Variants in PTPRN2 observed in about 807,000 individuals in gnomAD.
PTPRN2 encodes receptor-type tyrosine-protein phosphatase N2.
Under a neutral mutation model 118.8 loss-of-function variants are expected in PTPRN2, and 74 were observed. The ratio of observed to expected loss-of-function variants is 0.62; its 90% CI spans 0.52 to 0.76. PTPRN2 has a LOEUF of 0.76. Among genes scored for constraint, PTPRN2 ranks in the 30% least tolerant of loss-of-function variants. The pLI is 0.00. For missense variants in PTPRN2, 1,481 were observed against 1,394.4 expected (o/e 1.06, Z -0.99); for synonymous variants, 641 against 608.0 (o/e 1.05, Z -0.80).
intron 3 of PTPRN2, among the ~76,000 whole-genome samples, chr7:158,300,613 C>T (rs186067157): frequency 3.6e-4 from 3 of 8,384 alleles, no homozygotes; most frequent in East Asian, 1.7e-3. Flanking sequence ...TCTGTCTGTG[C>T]TCATGTGGCC....
chr7:158,221,185 C>G (rs1202246799), intron 3 of PTPRN2, among the ~76,000 whole-genome samples: 1 of 152,096 alleles, frequency 6.6e-6, no homozygotes, highest in East Asian at 1.9e-4. Flanking sequence ...TGAAACTTGA[C>G]TCCTTCCTTT....
rs1244456569 is a variant in PTPRN2 at position 157,940,728 on chromosome 7, C to T, written c.1724-41991G>A. ...CCCCCCCGTGACACTGCAAATCTAA[C>T]GCCCTGCCCCATGACACTGCAAATC... is the stretch of plus-strand genomic sequence containing the variant. On this transcript the variant is annotated intron_variant, in intron 11 of 22. Transcript: ENST00000389418. 7.4e-5 allele frequency among the ~76,000 whole-genome samples: 7 copies of T among 94,750 alleles called. 1 individual carries two copies. The highest frequency in any genetic ancestry group is 3.8e-4 in the African/African-American group (6 of 15,762). 62.2% of individuals were successfully genotyped at this position (94,750 alleles called of 152,430 possible). A position where few individuals can be genotyped will look rare whatever the true frequency, so the allele number is the denominator to read the frequency against.
At position 157,748,501 on chromosome 7, in the gene PTPRN2, G is replaced by GA. The variant is rs1331214289; in HGVS notation, c.1789-65565_1789-65564insT. Reference sequence around the variant, plus strand: ...TGCGTCCCTGAGCTGCGGAGTGTCTGGGTGATTCTTAGGTCTGCGTCTCTG... The same window carrying GA: ...TGCGTCCCTGAGCTGCGGAGTGTCTGAGGTGATTCTTAGGTCTGCGTCTCTG... On this transcript the variant is annotated intron_variant, in intron 12 of 22. Transcript: ENST00000389418. Among the ~76,000 whole-genome samples, 44 of 119,690 alleles carry GA rather than the reference G, an allele frequency of 3.7e-4. 1 individual carries two copies. Among genetic ancestry groups the GA allele is most frequent in the Admixed American group, 7.4e-4 (8 of 10,760 alleles). The allele number at this position is 119,690 out of a possible 152,430, so 78.5% of individuals were successfully genotyped here.
chr7:158,429,096 A>G (rs1448993957), intron 2 of PTPRN2, among the ~76,000 whole-genome samples: 1 of 152,176 alleles, frequency 6.6e-6, no homozygotes, highest in Non-Finnish European at 1.5e-5. Flanking sequence ...TAATAGTCTC[A>G]TCTAACTGCT....
intron 11 of PTPRN2, among the ~76,000 whole-genome samples, chr7:158,039,262 A>G (rs2128888321): frequency 6.6e-6 from 1 of 152,386 alleles, no homozygotes; most frequent in East Asian, 1.9e-4. Context: ...TCATGAAATA[A>G]GTCCAGAATG....
Position 157,671,914 on chromosome 7 carries a change from G to C in PTPRN2, c.2001+10811C>G, listed in dbSNP as rs1391959792. On this transcript the variant is annotated intron_variant, in intron 13 of 22. Transcript: ENST00000389418. The surrounding 1 kb of genome is among the most constrained non-coding windows in gnomAD (Gnocchi z 4.1). ...GGTGCTGAGCCCTAAGGTCTGTACG[G>C]GGAGTTTCTAAAAGTCTACGCTGTA... Among the ~76,000 whole-genome samples, 1 of 152,084 alleles carries C rather than the reference G, an allele frequency of 6.6e-6. No homozygotes were observed. The highest frequency in any genetic ancestry group is 1.5e-5 in the Non-Finnish European group (1 of 68,032).
At chr7:157,887,819 C>G (rs981848400) in intron 12 of PTPRN2, among the ~76,000 whole-genome samples, 1 of 125,472 alleles carries the variant, frequency 8.0e-6, no homozygotes, top group African/African-American at 3.2e-5. Flanking sequence ...CCCCAGTACC[C>G]GCTTCACCCA....
intron 3 of PTPRN2, among the ~76,000 whole-genome samples, chr7:158,272,632 G>T (rs1019780276): frequency 6.6e-6 from 1 of 152,188 alleles, no homozygotes; most frequent in Non-Finnish European, 1.5e-5. Flanking sequence ...CTGAGTCCAG[G>T]CAGGAGCCAA....
At chr7:158,191,734 C>A (rs1014643138) in intron 5 of PTPRN2, among the ~76,000 whole-genome samples, 1 of 152,142 alleles carries the variant, frequency 6.6e-6, no homozygotes, top group Non-Finnish European at 1.5e-5. Context: ...CATAAACACT[C>A]CTGGGGTTCG....
intron 12 of PTPRN2, among the ~76,000 whole-genome samples, chr7:157,710,722 T>G (rs1798568159): frequency 6.6e-6 from 1 of 152,198 alleles, no homozygotes; most frequent in South Asian, 2.1e-4. Flanking sequence ...GCCTGCCGCC[T>G]GGGCACAGGT....
rs1189984590 is a variant in PTPRN2 at position 157,598,158 on chromosome 7, C to T, written c.2419-2843G>A. ...TTGCTTTTTCCAATGAGGGCATCTGCGTGACAACCGGACATGGTGGGTGTG... is the reference window on the plus strand; with the variant it reads ...TTGCTTTTTCCAATGAGGGCATCTGTGTGACAACCGGACATGGTGGGTGTG... On this transcript the variant is annotated intron_variant, in intron 16 of 22. Coordinates refer to ENST00000389418, the MANE Select transcript of PTPRN2 (RefSeq NM_002847.5). This position sits in a 1 kb window ranked among gnomAD's most constrained non-coding sequence, Gnocchi z 5.2. Among the ~76,000 whole-genome samples, 2 of 152,202 alleles carry T rather than the reference C, an allele frequency of 1.3e-5. No individual in the cohort carries two copies. Among genetic ancestry groups the T allele is most frequent in the East Asian group, 1.9e-4 (1 of 5,202 alleles).
chr7:158,183,692 A>G (rs1209227763), intron 5 of PTPRN2, among the ~76,000 whole-genome samples: 1 of 152,180 alleles, frequency 6.6e-6, no homozygotes, highest in African/African-American at 2.4e-5. Context: ...TCCCGCCCCC[A>G]TGGGCTGAAT....
At chr7:158,145,491 T>C (rs1268689117) in intron 6 of PTPRN2, among the ~76,000 whole-genome samples, 1 of 152,226 alleles carries the variant, frequency 6.6e-6, no homozygotes, top group African/African-American at 2.4e-5. Context: ...TTTGGGGAAC[T>C]GGCAGGCATC....
At chr7:158,066,989 G>GT (rs1810824835) in intron 11 of PTPRN2, among the ~76,000 whole-genome samples, 1 of 152,042 alleles carries the variant, frequency 6.6e-6, no homozygotes, top group Admixed American at 6.5e-5. Flanking sequence ...GTAGGGAGTA[G>GT]TTATAGGTTG....
intron 11 of PTPRN2, among the ~76,000 whole-genome samples, chr7:157,920,281 A>T (rs1371363639): frequency 6.6e-6 from 1 of 152,236 alleles, no homozygotes; most frequent in Non-Finnish European, 1.5e-5. Flanking sequence ...TTTTCAAAGA[A>T]ACTTCCTTCC....
intron 11 of PTPRN2, chr7:158,030,426 C>G (rs1011064530): frequency 6.6e-6 from 1 of 152,038 alleles, no homozygotes. Context: ...GGACTATGTC[C>G]CCCAGGAAAG....
At chr7:157,762,654 T>A (rs1409869896) in intron 12 of PTPRN2, among the ~76,000 whole-genome samples, 1 of 147,620 alleles carries the variant, frequency 6.8e-6, no homozygotes, top group African/African-American at 2.5e-5. Context: ...AGATGACGAG[T>A]TAGTGGGTGC....
rs116080832 is a variant in PTPRN2 at position 158,002,159 on chromosome 7, G to A, written c.1723+79139C>T. 2.3e-3 allele frequency among the ~76,000 whole-genome samples: 351 copies of A among 152,314 alleles called. 3 individuals carry two copies. The highest frequency in any genetic ancestry group is 3.8e-3 in the African/African-American group (160 of 41,578). On this transcript the variant is annotated intron_variant, in intron 11 of 22. Coordinates refer to ENST00000389418, the MANE Select transcript of PTPRN2 (RefSeq NM_002847.5). ...CCAAATGCCCTTTTATGGGAACTGA[G>A]GTGCAAAGCGGGGGCTTGAGGCAAG...
In PTPRN2 at chr7:158,097,559, C is replaced by A. The variant is rs548352495; in HGVS notation, c.1643+13270G>T. Among the ~76,000 whole-genome samples the A allele has an allele frequency of 2.0e-5, 3 of 152,166 alleles. No homozygotes were observed. In the East Asian group the frequency reaches 5.8e-4, roughly 29 times the overall value. ...CATCTGGAAGAGAACTGTCACAGAGCCCGTCTCACTGTGGACTCAGGGGCT... is the reference window on the plus strand; with the variant it reads ...CATCTGGAAGAGAACTGTCACAGAGACCGTCTCACTGTGGACTCAGGGGCT... On this transcript the variant is annotated intron_variant, in intron 10 of 22. Transcript: ENST00000389418.
Sources: allele counts gnomAD v4.1 joint callset (sites outside exome capture counted in the v4.1 genomes callset), GRCh38; gene constraint gnomAD v4.1.1; non-coding constraint Gnocchi (gnomAD v3.1); transcripts MANE v1.5; gene names NCBI Gene and HGNC (gene_info 2026-07-23, HGNC 2026-07-21).